Variants in TAFA1 observed in about 807,000 individuals in gnomAD.
The protein encoded by TAFA1 is TAFA chemokine like family member 1, also known as chemokine-like protein TAFA-1.
TAFA1 carries 4 observed loss-of-function variants against 18.5 expected under a neutral mutation model. The observed-to-expected ratio is 0.22, with a 90% CI of 0.11 to 0.49. The LOEUF is 0.49. Among genes scored for constraint, TAFA1 ranks in the 20% least tolerant of loss-of-function variants. TAFA1 has a pLI of 0.98. For synonymous variants in TAFA1, 56 were observed against 55.2 expected (o/e 1.01, Z -0.06); for missense variants, 147 against 169.0 (o/e 0.87, Z 0.72).
upstream of TAFA1, among the ~76,000 whole-genome samples, chr3:68,001,602 TTTTG>T (rs1164918879): frequency 9.9e-5 from 15 of 151,720 alleles, no homozygotes; most frequent in African/African-American, 2.7e-4. Context: ...TGGTTGCTGC[TTTTG>T]TTTGTTTGGT....
At chr3:68,198,903 A>G (rs1304827231) in intron 2 of TAFA1, among the ~76,000 whole-genome samples, 1 of 151,396 alleles carries the variant, frequency 6.6e-6, no homozygotes, top group Non-Finnish European at 1.5e-5. Flanking sequence ...TTTTTCTTTT[A>G]TGGAGCATAC....
chr3:68,141,735 C>A (rs148072290), intron 2 of TAFA1, among the ~76,000 whole-genome samples: 99 of 152,306 alleles, frequency 6.5e-4, no homozygotes, highest in Non-Finnish European at 1.1e-3. Flanking sequence ...CAGAAGAAAG[C>A]AAGGCCAAAC....
intron 2 of TAFA1, among the ~76,000 whole-genome samples, chr3:68,416,713 T>A (rs189982578): frequency 6.6e-6 from 1 of 152,326 alleles, no homozygotes; most frequent in African/African-American, 2.4e-5. Flanking sequence ...TGAGACATTG[T>A]TTAAAGCACC....
chr3:68,127,184 C>T (rs1165201363), intron 2 of TAFA1, among the ~76,000 whole-genome samples: 1 of 152,130 alleles, frequency 6.6e-6, no homozygotes, highest in Non-Finnish European at 1.5e-5. Context: ...AAGTCTGCCT[C>T]CTCTTGGTCA....
At chr3:68,464,308 T>C (rs944260576) in intron 3 of TAFA1, among the ~76,000 whole-genome samples, 9 of 152,146 alleles carry the variant, frequency 5.9e-5, no homozygotes, top group African/African-American at 9.7e-5. Flanking sequence ...CCTAAGATAA[T>C]TTCAAATAGT....
chr3:68,534,866 G>A (rs2073249017), intron 3 of TAFA1, among the ~76,000 whole-genome samples: 1 of 152,032 alleles, frequency 6.6e-6, no homozygotes, highest in Non-Finnish European at 1.5e-5. Context: ...AGGAGGAACA[G>A]GGCTTAGAAG....
intron 2 of TAFA1, among the ~76,000 whole-genome samples, chr3:68,187,703 T>C (rs1227972427): frequency 6.6e-6 from 1 of 151,994 alleles, no homozygotes; most frequent in Non-Finnish European, 1.5e-5. Context: ...GATCATCATA[T>C]GCAAAGCAGT....
At chr3:68,177,603 T>G (rs1484940457) in intron 2 of TAFA1, among the ~76,000 whole-genome samples, 1 of 152,180 alleles carries the variant, frequency 6.6e-6, no homozygotes, top group Non-Finnish European at 1.5e-5. Flanking sequence ...TTATCTAAAG[T>G]GTAGTCCCAA....
chr3:68,262,572 T>G (rs1001430009), intron 2 of TAFA1, among the ~76,000 whole-genome samples: 3 of 152,006 alleles, frequency 2.0e-5, no homozygotes, highest in Non-Finnish European at 4.4e-5. Flanking sequence ...CTTGGAATAA[T>G]GGCCTCCAGC....
At chr3:68,517,280 G>A (rs368530214) in intron 3 of TAFA1, among the ~76,000 whole-genome samples, 10 of 152,072 alleles carry the variant, frequency 6.6e-5, no homozygotes, top group Admixed American at 2.0e-4. Context: ...TATATTGACC[G>A]CAGAGAATGT....
intron 3 of TAFA1, among the ~76,000 whole-genome samples, chr3:68,477,722 T>C (rs538724818): frequency 6.6e-6 from 1 of 152,324 alleles, no homozygotes; most frequent in African/African-American, 2.4e-5. Context: ...TAAATATTTC[T>C]GTTGGATATA....
At position 68,350,607 on chromosome 3, in the gene TAFA1, A is replaced by G. The variant is rs568690945; in HGVS notation, c.119-66673A>G. On this transcript the variant is annotated intron_variant, in intron 2 of 4. Coordinates refer to ENST00000478136, the MANE Select transcript of TAFA1 (RefSeq NM_213609.4). Reference sequence around the variant, plus strand: ...AGAATTGCTCCTATAAAACAAGGACAGGTATTGTACTTCCTGTTTGTTTAT... The same window carrying G: ...AGAATTGCTCCTATAAAACAAGGACGGGTATTGTACTTCCTGTTTGTTTAT... 3.9e-5 allele frequency among the ~76,000 whole-genome samples: 6 copies of G among 152,276 alleles called. No individual in the cohort carries two copies. In the South Asian group the frequency reaches 1.2e-3, roughly 32 times the overall value.
chr3:68,343,812 T>A (rs2069123163), intron 2 of TAFA1, among the ~76,000 whole-genome samples: 1 of 151,990 alleles, frequency 6.6e-6, no homozygotes, highest in East Asian at 1.9e-4. Flanking sequence ...TGCTGTCCAA[T>A]CTGATTCTGA....
intron 3 of TAFA1, among the ~76,000 whole-genome samples, chr3:68,460,580 C>A (rs536365439): frequency 3.9e-5 from 6 of 152,316 alleles, no homozygotes; most frequent in African/African-American, 1.4e-4. Context: ...TCCTCCTCCT[C>A]TTCTCTGTGT....
intron 2 of TAFA1, among the ~76,000 whole-genome samples, chr3:68,143,834 A>G (rs953280793): frequency 6.6e-6 from 1 of 152,110 alleles, no homozygotes; most frequent in Non-Finnish European, 1.5e-5. Flanking sequence ...ACCTCCTAAG[A>G]TCCCTGCCAA....
chr3:68,192,928 G>T (rs1403470637), intron 2 of TAFA1, among the ~76,000 whole-genome samples: 1 of 151,698 alleles, frequency 6.6e-6, no homozygotes, highest in Non-Finnish European at 1.5e-5. Flanking sequence ...GTGGAAATGT[G>T]TCCATAGAGG....
intron 2 of TAFA1, among the ~76,000 whole-genome samples, chr3:68,095,361 G>T (rs1308501560): frequency 6.6e-6 from 1 of 152,070 alleles, no homozygotes; most frequent in African/African-American, 2.4e-5. Context: ...AAATATTTTT[G>T]CAAAGAGATA....
chr3:68,079,286 G>T (rs1291709490), intron 2 of TAFA1, among the ~76,000 whole-genome samples: 2 of 152,044 alleles, frequency 1.3e-5, no homozygotes, highest in Non-Finnish European at 2.9e-5. Flanking sequence ...TTGATTTTTT[G>T]AAGGGTTTTT....
intron 3 of TAFA1, among the ~76,000 whole-genome samples, chr3:68,443,473 C>CAAAAAAAAAAAAAAA (rs56944130): frequency 3.1e-5 from 3 of 96,098 alleles, no homozygotes; most frequent in Non-Finnish European, 4.4e-5. Context: ...GGGCAATTTA[C>CAAAAAAAAAAAAAAA]AAAAAAAAAA....
Sources: gnomAD v4.1 joint callset for allele counts (sites outside exome capture counted in the v4.1 genomes callset) on GRCh38, gnomAD v4.1.1 for gene constraint, MANE v1.5 for transcripts, NCBI Gene and HGNC (gene_info 2026-07-23, HGNC 2026-07-21) for gene names.